The following LRRC31 variants were observed in gnomAD, a reference collection of about 807,000 sequenced individuals.
LRRC31 encodes leucine rich repeat containing 31.
In LRRC31, 35 loss-of-function variants were observed where a neutral mutation model predicts 46.7. The ratio of observed to expected loss-of-function variants is 0.75; its 90% CI spans 0.57 to 0.99. The LOEUF (loss-of-function observed/expected upper bound fraction) is 0.99. Among genes scored for constraint, LRRC31 ranks in the 50% least tolerant of loss-of-function variants. The pLI, the probability that LRRC31 is intolerant of heterozygous loss-of-function variation, is 0.00. For missense variants in LRRC31, 613 were observed against 626.1 expected, an observed-to-expected ratio of 0.98 and a Z score of 0.22; for synonymous variants, 236 against 235.1, an observed-to-expected ratio of 1.00 and a Z score of -0.03.
chr3:169,852,234 TAAAA>T lies in LRRC31; in HGVS notation c.992-452_992-449del, dbSNP rs57252430. Among the ~76,000 whole-genome samples the T allele has an allele frequency of 1.1e-3, 144 of 132,468 alleles. 3 individuals carry two copies. In the South Asian group the frequency reaches 0.022, roughly 20 times the overall value. The allele number at this position is 132,468 out of a possible 152,430, so 86.9% of individuals were successfully genotyped here. On this transcript the variant is annotated intron_variant, in intron 6 of 8. Transcript: ENST00000316428. ...TAACACGGTGAAACTCCGTCTCTACTAAAAAAAAAAAAAAAAAAATTAGCCGGGC... is the reference window on the plus strand; with the variant it reads ...TAACACGGTGAAACTCCGTCTCTACTAAAAAAAAAAAAAAATTAGCCGGGC...
Position 169,839,882 on chromosome 3 carries a change from A to G in LRRC31, c.*100T>C. The G allele has an allele frequency of 1.4e-6, 1 of 724,026 alleles. No individual in the cohort carries two copies. The highest frequency in any genetic ancestry group is 2.2e-5 in the South Asian group (1 of 46,478). The allele number at this position is 724,026 out of a possible 1,614,324, so 44.9% of individuals were successfully genotyped here. ...GCTCTTGTAATATAAGTCCCATTAA[A>G]TGGCCCAGAAGTTGAAATTCAGTTC... On this transcript the variant is annotated 3_prime_UTR_variant, in exon 9 of 9. Transcript: ENST00000316428.
At chr3:169,845,412 T>C (rs1051953761) in intron 8 of LRRC31, among the ~76,000 whole-genome samples, 9 of 152,178 alleles carry the variant, frequency 5.9e-5, no homozygotes, top group African/African-American at 2.2e-4. Context: ...AAAACAATTT[T>C]GAAAAAGAAA....
intron 7 of LRRC31, 149 bp from the exon 8 acceptor site, chr3:169,848,436 T>A: frequency 1.5e-6 from 1 of 659,180 alleles, no homozygotes; most frequent in Non-Finnish European, 2.5e-6. Context: ...CTTAAATTTA[T>A]GGCCTCAATT....
chr3:169,858,057 C>G (rs1336997344), intron 3 of LRRC31, among the ~76,000 whole-genome samples: 2 of 152,130 alleles, frequency 1.3e-5, no homozygotes, highest in Non-Finnish European at 2.9e-5. Flanking sequence ...CGGTACTAAA[C>G]TATTATAATG....
chr3:169,867,959 A>G (rs547003566), intron 1 of LRRC31, among the ~76,000 whole-genome samples: 1 of 152,366 alleles, frequency 6.6e-6, no homozygotes, highest in South Asian at 2.1e-4. Context: ...GAACTCACTG[A>G]GTAATTAAGA....
At chr3:169,867,598 A>G (rs898439435) in intron 1 of LRRC31, among the ~76,000 whole-genome samples, 4 of 150,992 alleles carry the variant, frequency 2.6e-5, no homozygotes, top group Admixed American at 6.6e-5. Context: ...GTCTTAAACT[A>G]CTGGCCTTAA....
In LRRC31 at chr3:169,867,038, G is replaced by GTT. The variant is rs1324128884; in HGVS notation, c.175+2593_175+2594dup. On this transcript the variant is annotated intron_variant, in intron 1 of 8. Transcript: ENST00000316428. ...GTCTCAGAAAGAAAATTGGCCATGG[G>GTT]TTTTTTTTGTTTGTTTGTTTGTTTT... is the stretch of plus-strand genomic sequence containing the variant. Among the ~76,000 whole-genome samples, 168 of 126,284 alleles carry GTT rather than the reference G, an allele frequency of 1.3e-3. 9 individuals carry two copies. The highest frequency in any genetic ancestry group is 3.7e-3 in the Middle Eastern group (1 of 272). The allele number at this position is 126,284 out of a possible 152,430, so 82.8% of individuals were successfully genotyped here.
At chr3:169,863,421 C>T (rs1239286019) in intron 1 of LRRC31, among the ~76,000 whole-genome samples, 2 of 152,052 alleles carry the variant, frequency 1.3e-5, no homozygotes, top group Non-Finnish European at 2.9e-5. Flanking sequence ...TACATTGGTA[C>T]CTGTGAAAAT....
chr3:169,869,247 T>C (rs1417726246), intron 1 of LRRC31, among the ~76,000 whole-genome samples: 4 of 151,864 alleles, frequency 2.6e-5, no homozygotes, highest in African/African-American at 4.8e-5. Context: ...GGTGCGCATC[T>C]GTAATCCCAG....
At chr3:169,862,220 G>C (rs150508412) in intron 1 of LRRC31, among the ~76,000 whole-genome samples, 1 of 152,308 alleles carries the variant, frequency 6.6e-6, no homozygotes, top group East Asian at 1.9e-4. Context: ...CCAAACAGGT[G>C]AAGAAGGGAA....
Position 169,856,408 on chromosome 3 carries a change from T to G in LRRC31, c.751A>C (p.Lys251Gln). 3 of 1,607,890 alleles carry G rather than the reference T, an allele frequency of 1.9e-6. No individual in the cohort carries two copies. Among genetic ancestry groups the G allele is most frequent in the Non-Finnish European group, 2.5e-6 (3 of 1,177,124 alleles). Residue 251 changes from lysine to glutamine, a missense_variant, in exon 5 of 9, where the codon AAA becomes CAA. By Grantham distance (53) the Lys-to-Gln change is moderately conservative. Transcript: ENST00000316428. ...GSLNSIAQGL[K>Q]STSNLKVLKL... ...AGTACTTTCAGATTTGAGGTGCTTTTTAATCCCTGAGCAATACTGTTCAGA... is the reference window on the plus strand; with the variant it reads ...AGTACTTTCAGATTTGAGGTGCTTTGTAATCCCTGAGCAATACTGTTCAGA...
At chr3:169,847,859 C>T (rs1004630938) in intron 8 of LRRC31, among the ~76,000 whole-genome samples, 2 of 152,232 alleles carry the variant, frequency 1.3e-5, no homozygotes, top group African/African-American at 4.8e-5. Context: ...AGGTGTGGAA[C>T]AGAGCTGTTT....
intron 3 of LRRC31, among the ~76,000 whole-genome samples, chr3:169,858,930 C>CCT (rs1781055263): frequency 8.1e-6 from 1 of 122,926 alleles, no homozygotes; most frequent in African/African-American, 3.2e-5. Flanking sequence ...CACTTGAACT[C>CCT]AGGAGGCGGA....
chr3:169,869,269 G>A (rs1396251638), intron 1 of LRRC31, among the ~76,000 whole-genome samples: 1 of 151,900 alleles, frequency 6.6e-6, no homozygotes, highest in Admixed American at 6.6e-5. Flanking sequence ...TACTCGGGAG[G>A]CTGAGGCAGG....
intron 1 of LRRC31, among the ~76,000 whole-genome samples, chr3:169,865,233 G>T (rs1781294687): frequency 6.7e-6 from 1 of 149,078 alleles, no homozygotes; most frequent in Non-Finnish European, 1.5e-5. Flanking sequence ...CTGGGCGACA[G>T]AGTAAGGCTC....
intron 8 of LRRC31, 38 bp from the exon 9 acceptor site, chr3:169,840,351 A>C: frequency 6.3e-7 from 1 of 1,599,582 alleles, no homozygotes; most frequent in Non-Finnish European, 8.6e-7. Flanking sequence ...AACATACAAG[A>C]ATACTGTCTG....
rs767904864 is a variant in LRRC31 at position 169,840,172 on chromosome 3, A to G, written c.1469T>C (p.Leu490Pro). ...LKELIELDIS[L>P]RPSNFRDCGQ... ...ACAATCTCGAAAATTTGATGGTCGA[A>G]GGCTAATATCCAGCTCGATTAGCTC... is the stretch of plus-strand genomic sequence containing the variant. The change falls in exon 9 of 9, where the codon CTT (leucine) becomes CCT (proline). Residue 490 changes from leucine to proline, a missense_variant. Transcript: ENST00000316428. 1.2e-6 allele frequency: 2 copies of G among 1,614,158 alleles called. No homozygotes were observed.
rs574769060 is a variant in LRRC31 at position 169,856,427 on chromosome 3, G to A, written c.732C>T (p.Asn244=). The A allele has an allele frequency of 1.2e-6, 2 of 1,608,536 alleles. No homozygotes were observed. The highest frequency in any genetic ancestry group is 1.1e-5 in the South Asian group (1 of 90,182). The change falls in exon 5 of 9, where the codon AAC becomes AAT. Residue 244 remains asparagine (N), a synonymous_variant. Coordinates refer to ENST00000316428, the MANE Select transcript of LRRC31 (RefSeq NM_024727.4). The part of the protein sequence containing the change: ...SINRDIVGSL[N]SIAQGLKSTS... ...TGCTTTTTAATCCCTGAGCAATACT[G>A]TTCAGACTGCCAACAATGTCTCTGT...
intron 7 of LRRC31, among the ~76,000 whole-genome samples, chr3:169,850,426 G>T (rs572496157): frequency 7.9e-5 from 12 of 152,256 alleles, no homozygotes; most frequent in Admixed American, 2.6e-4. Context: ...CCCAGGATAC[G>T]TAGCCTTCAG....
Sources: allele counts gnomAD v4.1 joint callset (sites outside exome capture counted in the v4.1 genomes callset), GRCh38; gene constraint gnomAD v4.1.1; transcripts MANE v1.5; gene names NCBI Gene and HGNC (gene_info 2026-07-23, HGNC 2026-07-21).